The following RALA variants were observed in gnomAD, a reference collection of about 807,000 sequenced individuals.
The protein encoded by RALA is RAS like proto-oncogene A.
In RALA, 5 loss-of-function variants were observed where a neutral mutation model predicts 24.0. The ratio of observed to expected loss-of-function variants is 0.21; its 90% CI spans 0.11 to 0.44. The LOEUF (loss-of-function observed/expected upper bound fraction) is 0.44, where lower values mean the gene tolerates loss of function less well. Among genes scored for constraint, RALA ranks in the 20% least tolerant of loss-of-function variants. The probability of loss-of-function intolerance (pLI) is 0.99; values close to 1 mark genes in which losing one functional copy is unlikely to be tolerated. For synonymous variants in RALA, 77 were observed against 83.8 expected (o/e 0.92, Z 0.44); for missense variants, 95 against 241.2 (o/e 0.39, Z 4.01).
chr7:39,673,400 G>C (rs1204082147), intron 1 of RALA, among the ~76,000 whole-genome samples: 1 of 151,948 alleles, frequency 6.6e-6, no homozygotes, highest in Non-Finnish European at 1.5e-5. Context: ...TCAAGAACAG[G>C]TTGTCTTCAT....
At chr7:39,670,734 T>C (rs990755975) in intron 1 of RALA, among the ~76,000 whole-genome samples, 9 of 152,212 alleles carry the variant, frequency 5.9e-5, no homozygotes, top group African/African-American at 2.2e-4. Context: ...ACCTTTCAGG[T>C]TCTACCCTGT....
chr7:39,646,141 G>A (rs1413566907), intron 1 of RALA, among the ~76,000 whole-genome samples: 1 of 152,128 alleles, frequency 6.6e-6, no homozygotes, highest in Non-Finnish European at 1.5e-5. Context: ...TGAAATGTTT[G>A]AAAGATAAAA....
chr7:39,691,045 A>T (rs1276082124), intron 3 of RALA, among the ~76,000 whole-genome samples: 1 of 152,170 alleles, frequency 6.6e-6, no homozygotes, highest in African/African-American at 2.4e-5. Context: ...GCACAGACTG[A>T]ATTTTTTGTT....
At chr7:39,702,072 A>G (rs1267250430) in intron 4 of RALA, among the ~76,000 whole-genome samples, 3 of 152,342 alleles carry the variant, frequency 2.0e-5, no homozygotes, top group South Asian at 2.1e-4. Context: ...TTTTATGTCG[A>G]GGGAAGAATT....
intron 1 of RALA, among the ~76,000 whole-genome samples, chr7:39,666,785 G>T (rs963404584): frequency 1.3e-5 from 2 of 152,206 alleles, no homozygotes; most frequent in African/African-American, 4.8e-5. Context: ...AAGAGCTGTA[G>T]TAAAGGTTAA....
At chr7:39,647,096 G>T (rs1231154045) in intron 1 of RALA, among the ~76,000 whole-genome samples, 1 of 152,116 alleles carries the variant, frequency 6.6e-6, no homozygotes, top group Non-Finnish European at 1.5e-5. Context: ...AGGCTGGAGT[G>T]CAGTGGCACA....
At chr7:39,654,103 A>G (rs1221677513) in intron 1 of RALA, among the ~76,000 whole-genome samples, 1 of 152,204 alleles carries the variant, frequency 6.6e-6, no homozygotes, top group Non-Finnish European at 1.5e-5. Flanking sequence ...TTCTATTTGA[A>G]CAACTTTCTT....
At chr7:39,688,527 C>T (rs1278652318) in intron 2 of RALA, among the ~76,000 whole-genome samples, 1 of 151,764 alleles carries the variant, frequency 6.6e-6, no homozygotes, top group Non-Finnish European at 1.5e-5. Context: ...ATCCTTAAAT[C>T]AGTCTCCTCT....
At chr7:39,692,121 A>G (rs1476366294) in intron 3 of RALA, among the ~76,000 whole-genome samples, 5 of 152,214 alleles carry the variant, frequency 3.3e-5, no homozygotes, top group Admixed American at 6.5e-5. Flanking sequence ...AAAGGTCTGA[A>G]TGGTTACAGT....
At chr7:39,705,895 T>G (rs529467639) in intron 4 of RALA, among the ~76,000 whole-genome samples, 1 of 152,232 alleles carries the variant, frequency 6.6e-6, no homozygotes, top group African/African-American at 2.4e-5. Flanking sequence ...TTATTACATA[T>G]GAACATTTTT....
chr7:39,693,118 T>G (rs1020058452), intron 3 of RALA, among the ~76,000 whole-genome samples: 1 of 152,208 alleles, frequency 6.6e-6, no homozygotes, highest in East Asian at 1.9e-4. Context: ...CACATGCACA[T>G]GTATGTTTAC....
intron 1 of RALA, among the ~76,000 whole-genome samples, chr7:39,685,916 C>T (rs530378409): frequency 1.3e-5 from 2 of 152,220 alleles, no homozygotes; most frequent in Admixed American, 6.5e-5. Context: ...TCAAGAGAAA[C>T]ATCTTGGTCG....
chr7:39,671,891 A>G (rs985468776), intron 1 of RALA, among the ~76,000 whole-genome samples: 4 of 152,156 alleles, frequency 2.6e-5, no homozygotes, highest in African/African-American at 9.7e-5. Context: ...TGTTGTTCCT[A>G]CCGAGCTTGA....
chr7:39,635,515 CT>C (rs1362402934), intron 1 of RALA, among the ~76,000 whole-genome samples: 1 of 152,172 alleles, frequency 6.6e-6, no homozygotes, highest in East Asian at 1.9e-4. Context: ...TCTTCTGCCC[CT>C]CAGCCCCTGG....
intron 1 of RALA, among the ~76,000 whole-genome samples, chr7:39,682,010 G>C (rs946393207): frequency 6.6e-6 from 1 of 152,180 alleles, no homozygotes; most frequent in Admixed American, 6.5e-5. Context: ...CCTATCAACT[G>C]TTTCTTCAAA....
At chr7:39,689,828 G>A (rs1346579319) in intron 2 of RALA, among the ~76,000 whole-genome samples, 7 of 152,196 alleles carry the variant, frequency 4.6e-5, no homozygotes, top group Non-Finnish European at 7.3e-5. Flanking sequence ...TGGGGCTGAC[G>A]ATAGGAGTGG....
At chr7:39,648,652 C>T (rs1190607481) in intron 1 of RALA, among the ~76,000 whole-genome samples, 23 of 152,154 alleles carry the variant, frequency 1.5e-4, no homozygotes, top group Non-Finnish European at 7.3e-5. Context: ...TCTTAGACCT[C>T]ATAAGGCTTT....
At chr7:39,675,663 C>G (rs1014311289) in intron 1 of RALA, among the ~76,000 whole-genome samples, 2 of 150,970 alleles carry the variant, frequency 1.3e-5, no homozygotes, top group Non-Finnish European at 1.5e-5. Context: ...CAGGTCAAGT[C>G]TGCAGTGAGC....
chr7:39,641,428 A>G (rs924869343), intron 1 of RALA, among the ~76,000 whole-genome samples: 5 of 152,232 alleles, frequency 3.3e-5, no homozygotes, highest in Non-Finnish European at 7.3e-5. Context: ...ACCTGTATCA[A>G]CAATGATAAC....
Sources: gnomAD v4.1 joint callset for allele counts (sites outside exome capture counted in the v4.1 genomes callset) on GRCh38, gnomAD v4.1.1 for gene constraint, MANE v1.5 for transcripts, NCBI Gene and HGNC (gene_info 2026-07-23, HGNC 2026-07-21) for gene names.